RGS7BP: variants seen among roughly 807,000 people sequenced by gnomAD.
RGS7BP encodes the protein regulator of G protein signaling 7-binding protein.
Under a neutral mutation model 31.3 loss-of-function variants are expected in RGS7BP, and 9 were observed. The ratio of observed to expected loss-of-function variants is 0.29; its 90% CI spans 0.17 to 0.50. The LOEUF is 0.50. RGS7BP is among the 20% of genes least tolerant of loss of function. The pLI, the probability that RGS7BP is intolerant of heterozygous loss-of-function variation, is 0.98. For synonymous variants in RGS7BP, 115 were observed against 120.1 expected, an observed-to-expected ratio of 0.96 and a Z score of 0.28; for missense variants, 274 against 322.0, an observed-to-expected ratio of 0.85 and a Z score of 1.14.
At chr5:64,582,022 G>C (rs1742613217) in intron 3 of RGS7BP, among the ~76,000 whole-genome samples, 2 of 152,196 alleles carry the variant, frequency 1.3e-5, no homozygotes. Flanking sequence ...TGACAGATGG[G>C]AATAATTTTA....
chr5:64,539,126 C>T lies in RGS7BP; in HGVS notation c.332+31249C>T, dbSNP rs531512982. 3.9e-5 allele frequency among the ~76,000 whole-genome samples: 6 copies of T among 152,202 alleles called. No individual in the cohort carries two copies. The East Asian group carries it at 5.8e-4, about 15-fold the overall frequency. On this transcript the variant is annotated intron_variant, in intron 2 of 5. Coordinates refer to ENST00000334025, the MANE Select transcript of RGS7BP (RefSeq NM_001029875.3). ...TTTAATTTGCGTTCCCCTAATGACT[C>T]GAGATGTGAAGAATCTGCTTATGTG...
Position 64,576,018 on chromosome 5 carries a change from A to G in RGS7BP, c.463+114A>G. The G allele has an allele frequency of 3.3e-6, 3 of 919,274 alleles. No individual in the cohort carries two copies. In the South Asian group the frequency reaches 5.7e-5, roughly 17 times the overall value. 56.9% of individuals were successfully genotyped at this position (919,274 alleles called of 1,614,324 possible). Reference sequence around the variant, plus strand: ...GCCTATCTATATGCAATTACGATGAATTTAAATGTTCAGGAAATGCTTGCT... The same window carrying G: ...GCCTATCTATATGCAATTACGATGAGTTTAAATGTTCAGGAAATGCTTGCT... On this transcript the variant is annotated intron_variant, in intron 3 of 5. Coordinates refer to ENST00000334025, the MANE Select transcript of RGS7BP (RefSeq NM_001029875.3).
At chr5:64,568,581 C>T (rs1166828044) in intron 2 of RGS7BP, among the ~76,000 whole-genome samples, 1 of 152,056 alleles carries the variant, frequency 6.6e-6, no homozygotes, top group African/African-American at 2.4e-5. Context: ...ACCATTAACT[C>T]CTTCAACCAC....
At chr5:64,592,936 C>G (rs1742960148) in intron 3 of RGS7BP, among the ~76,000 whole-genome samples, 1 of 152,218 alleles carries the variant, frequency 6.6e-6, no homozygotes, top group East Asian at 1.9e-4. Context: ...GGTAGACTGA[C>G]TGCACTTGCC....
chr5:64,516,839 CT>C (rs1748989712), intron 2 of RGS7BP, among the ~76,000 whole-genome samples: 2 of 152,130 alleles, frequency 1.3e-5, no homozygotes, highest in Non-Finnish European at 2.9e-5. Flanking sequence ...TTTGCTGATG[CT>C]TGAGTTCCAT....
chr5:64,541,775 C>CAT (rs1741532155), intron 2 of RGS7BP, among the ~76,000 whole-genome samples: 2 of 151,786 alleles, frequency 1.3e-5, no homozygotes, highest in Admixed American at 6.6e-5. Flanking sequence ...TTTTTTTACT[C>CAT]AGTGTACTAA....
intron 3 of RGS7BP, among the ~76,000 whole-genome samples, chr5:64,588,494 AG>A (rs1742819482): frequency 6.6e-6 from 1 of 152,212 alleles, no homozygotes; most frequent in African/African-American, 2.4e-5. Flanking sequence ...CTGTGTGTAC[AG>A]GTAGTGTTTG....
Position 64,610,064 on chromosome 5 carries a change from G to A in RGS7BP, c.*812G>A, listed in dbSNP as rs933820854. 18 of 152,440 alleles carry A rather than the reference G, an allele frequency of 1.2e-4. No homozygotes were observed. Among genetic ancestry groups the A allele is most frequent in the Admixed American group, 1.1e-3 (16 of 15,236 alleles). The allele number at this position is 152,440 out of a possible 1,614,324, so 9.4% of individuals were successfully genotyped here. On this transcript the variant is annotated 3_prime_UTR_variant, in exon 6 of 6. Coordinates refer to ENST00000334025, the MANE Select transcript of RGS7BP (RefSeq NM_001029875.3). ...GTAAAATCAAATATTATTACATTTTGTTCTAATTGAAATCTGAAGCATGGT... is the reference window on the plus strand; with the variant it reads ...GTAAAATCAAATATTATTACATTTTATTCTAATTGAAATCTGAAGCATGGT...
At chr5:64,543,935 C>A (rs533631152) in intron 2 of RGS7BP, among the ~76,000 whole-genome samples, 1 of 152,252 alleles carries the variant, frequency 6.6e-6, no homozygotes, top group African/African-American at 2.4e-5. Context: ...CATCTCTATA[C>A]AACAGGTAGA....
At chr5:64,550,801 A>G (rs1580422133) in intron 2 of RGS7BP, among the ~76,000 whole-genome samples, 1 of 141,242 alleles carries the variant, frequency 7.1e-6, no homozygotes, top group Non-Finnish European at 1.5e-5. Flanking sequence ...TCATTGTTCA[A>G]TTCCCATCTA....
At chr5:64,537,570 T>G (rs563531454) in intron 2 of RGS7BP, among the ~76,000 whole-genome samples, 43 of 152,142 alleles carry the variant, frequency 2.8e-4, no homozygotes, top group Non-Finnish European at 5.9e-4. Context: ...AAGCTTTACC[T>G]CTCCCCAGAA....
chr5:64,518,406 AG>A (rs1749027425), intron 2 of RGS7BP, among the ~76,000 whole-genome samples: 4 of 144,000 alleles, frequency 2.8e-5, no homozygotes, highest in African/African-American at 1.1e-4. Flanking sequence ...CAAACAAAAG[AG>A]AGTATTTCAG....
chr5:64,587,155 C>T (rs1742779783), intron 3 of RGS7BP, among the ~76,000 whole-genome samples: 1 of 152,060 alleles, frequency 6.6e-6, no homozygotes, highest in African/African-American at 2.4e-5. Flanking sequence ...AAGAGGTGTA[C>T]ATCACTCCTG....
intron 2 of RGS7BP, among the ~76,000 whole-genome samples, chr5:64,515,344 C>G (rs931931754): frequency 6.6e-6 from 1 of 152,060 alleles, no homozygotes; most frequent in African/African-American, 2.4e-5. Flanking sequence ...TACCTAAGAG[C>G]AATTTGTGAG....
intron 2 of RGS7BP, among the ~76,000 whole-genome samples, chr5:64,546,132 C>T (rs748928810): frequency 6.6e-5 from 10 of 151,852 alleles, no homozygotes; most frequent in African/African-American, 1.2e-4. Context: ...CCAGCCTGGG[C>T]GACAGAACAA....
At chr5:64,577,033 G>A (rs576343003) in intron 3 of RGS7BP, among the ~76,000 whole-genome samples, 3 of 151,778 alleles carry the variant, frequency 2.0e-5, no homozygotes, top group Non-Finnish European at 4.4e-5. Context: ...GTTCAGTTAC[G>A]GAAGGAAAAA....
chr5:64,530,507 A>T (rs565770529), intron 2 of RGS7BP, among the ~76,000 whole-genome samples: 1 of 152,232 alleles, frequency 6.6e-6, no homozygotes, highest in Non-Finnish European at 1.5e-5. Flanking sequence ...GCTCACAAAG[A>T]TTAAGTGTCT....
chr5:64,588,176 G>A (rs1303957365), intron 3 of RGS7BP, among the ~76,000 whole-genome samples: 1 of 152,172 alleles, frequency 6.6e-6, no homozygotes, highest in African/African-American at 2.4e-5. Flanking sequence ...TTTGTTGGAA[G>A]TAAAAATGTT....
At chr5:64,604,080 T>C (rs1478888334) in intron 5 of RGS7BP, among the ~76,000 whole-genome samples, 1 of 152,216 alleles carries the variant, frequency 6.6e-6, no homozygotes, top group African/African-American at 2.4e-5. Flanking sequence ...TAAGTAACTC[T>C]GTTTTGGACT....
Sources: allele counts gnomAD v4.1 joint callset (sites outside exome capture counted in the v4.1 genomes callset), GRCh38; gene constraint gnomAD v4.1.1; transcripts MANE v1.5; gene names NCBI Gene and HGNC (gene_info 2026-07-23, HGNC 2026-07-21).